Variants in CROCC2 observed in about 807,000 individuals in gnomAD.
The protein encoded by CROCC2 is ciliary rootlet coiled-coil protein 2.
CROCC2 carries 163 observed loss-of-function variants against 177.6 expected under a neutral mutation model. That is an observed-to-expected ratio of 0.92 (90% CI 0.81 to 1.05). CROCC2 has a LOEUF of 1.05. CROCC2 is among the 50% of genes least tolerant of loss of function. The pLI, the probability that CROCC2 is intolerant of heterozygous loss-of-function variation, is 0.00. For missense variants in CROCC2, 1,929 were observed against 1,797.8 expected (o/e 1.07, Z -1.32); for synonymous variants, 904 against 787.3 (o/e 1.15, Z -2.48).
intron 3 of CROCC2, among the ~76,000 whole-genome samples, chr2:240,921,328 G>A (rs1455204714): frequency 6.6e-6 from 1 of 152,156 alleles, no homozygotes; most frequent in Non-Finnish European, 1.5e-5. Flanking sequence ...TGGCACCCCT[G>A]GGAGCCCCTG....
intron 20 of CROCC2, among the ~76,000 whole-genome samples, chr2:240,963,103 C>T (rs2059654274): frequency 6.6e-6 from 1 of 152,242 alleles, no homozygotes; most frequent in Non-Finnish European, 1.5e-5. Context: ...GCCCAGCCTG[C>T]CTGCTGAGGC....
At chr2:240,974,128 C>A (rs2059742557) in intron 27 of CROCC2, among the ~76,000 whole-genome samples, 1 of 152,186 alleles carries the variant, frequency 6.6e-6, no homozygotes, top group Non-Finnish European at 1.5e-5. Context: ...AGCAGTTACA[C>A]CTGCTTTATA....
intron 18 of CROCC2, among the ~76,000 whole-genome samples, chr2:240,952,001 T>G (rs2059559119): frequency 1.3e-5 from 2 of 152,180 alleles, no homozygotes; most frequent in Non-Finnish European, 2.9e-5. Flanking sequence ...AATGGACACA[T>G]GAACACGTCC....
intron 14 of CROCC2, 150 bp downstream of exon 14, chr2:240,935,738 C>A: frequency 1.8e-6 from 1 of 542,078 alleles, no homozygotes; most frequent in Non-Finnish European, 2.9e-6. Context: ...TGCTGGCCTC[C>A]CCGTGGGGGT....
chr2:240,974,196 G>A (rs1451892843), intron 27 of CROCC2, among the ~76,000 whole-genome samples: 1 of 152,100 alleles, frequency 6.6e-6, no homozygotes, highest in Non-Finnish European at 1.5e-5. Context: ...CTTCGTGTTG[G>A]AGATTTGTTT....
At position 240,946,156 on chromosome 2, in the gene CROCC2, A is replaced by G. The variant is rs1349342936; in HGVS notation, c.2266A>G (p.Lys756Glu). ...CACTCTGCAGCAAGCCCTGCAAGGA[A>G]AGGATGCTCTGTCTGAGGAGCGGGC... ...MGTLQQALQG[K>E]DALSEERAQL... The change falls in exon 15 of 32, where the codon AAG (lysine) becomes GAG (glutamate). Residue 756 changes from lysine to glutamate, a missense_variant. Coordinates refer to ENST00000690015, the MANE Select transcript of CROCC2 (RefSeq NM_001351305.2). 2 of 1,548,614 alleles carry G rather than the reference A, an allele frequency of 1.3e-6. No homozygotes were observed. Among genetic ancestry groups the G allele is most frequent in the South Asian group, 1.2e-5 (1 of 83,990 alleles).
chr2:240,959,733 G>C (rs546714038), intron 20 of CROCC2: 28 of 313,440 alleles, frequency 8.9e-5, no homozygotes, highest in African/African-American at 6.0e-4. Flanking sequence ...GGGAAAGAAG[G>C]CATCATTTCT....
chr2:240,911,548 T>A (rs114228361), intron 1 of CROCC2, among the ~76,000 whole-genome samples: 3,769 of 152,148 alleles, frequency 0.025, 142 homozygotes, highest in African/African-American at 0.086. Context: ...TGTGCGCGCC[T>A]CAACCTCCCA....
At chr2:240,931,180 G>T (rs1282115316) in intron 7 of CROCC2, 52 bp downstream of exon 7, 2 of 648,346 alleles carry the variant, frequency 3.1e-6, no homozygotes, top group Non-Finnish European at 5.7e-6. Flanking sequence ...GGGGGTCGGG[G>T]CCCATCCAGC....
intron 19 of CROCC2, chr2:240,956,282 C>T (rs978757948): frequency 1.2e-5 from 5 of 421,118 alleles, no homozygotes; most frequent in Middle Eastern, 6.3e-4. Context: ...CCAACAGCAG[C>T]GAGTGGCTGA....
chr2:240,963,632 A>AGGAGAGCC lies in CROCC2; in HGVS notation c.3167_3174dup (p.Glu1059ArgfsTer17). 1 of 1,549,464 alleles carries AGGAGAGCC rather than the reference A, an allele frequency of 6.5e-7. No individual in the cohort carries two copies. Among genetic ancestry groups the AGGAGAGCC allele is most frequent in the Non-Finnish European group, 8.7e-7 (1 of 1,146,690 alleles). ...CTGCGCCAGGAGCTGCAGGGCGTCG[A>AGGAGAGCC]GGAGAGCCGGGAGGGGCTGCACAGG... On this transcript the variant is annotated frameshift_variant, in exon 21 of 32. Transcript: ENST00000690015. LOFTEE classifies it high-confidence loss of function.
At chr2:240,920,429 C>T (rs867394099) in intron 3 of CROCC2, among the ~76,000 whole-genome samples, 6 of 152,168 alleles carry the variant, frequency 3.9e-5, no homozygotes, top group African/African-American at 1.4e-4. Flanking sequence ...GACTTGTCCC[C>T]GCACCTGCCC....
At chr2:240,950,188 CGTGGG>C in intron 17 of CROCC2, 141 bp from the exon 18 acceptor site, 2 of 715,138 alleles carry the variant, frequency 2.8e-6, no homozygotes, top group Non-Finnish European at 4.6e-6. Context: ...GAGGGGAAGA[CGTGGG>C]GGGTGTGCAG....
chr2:240,932,996 C>A (rs1368670608), intron 9 of CROCC2, 88 bp downstream of exon 9: 2 of 1,470,306 alleles, frequency 1.4e-6, no homozygotes, highest in Non-Finnish European at 1.8e-6. Context: ...TGGGGCCTGC[C>A]CCTGAGCCCC....
rs1272528778 is a variant in CROCC2 at position 240,964,667 on chromosome 2, C to T, written c.3465+42C>T. ...GGGTCAACATCCAACCAGGCACCCT[C>T]CCGCCTGGTGGGTCCCGGCTCCTCC... On this transcript the variant is annotated intron_variant, in intron 22 of 31. Coordinates refer to ENST00000690015, the MANE Select transcript of CROCC2 (RefSeq NM_001351305.2). The T allele has an allele frequency of 2.6e-6, 4 of 1,534,972 alleles. No homozygotes were observed. The African/African-American group carries it at 5.5e-5, about 21-fold the overall frequency.
chr2:240,906,447 C>T lies in CROCC2; in HGVS notation c.-67C>T, dbSNP rs753985236. The T allele has an allele frequency of 2.8e-4, 110 of 398,824 alleles. No individual in the cohort carries two copies. The highest frequency in any genetic ancestry group is 4.4e-4 in the Non-Finnish European group (100 of 226,022). 24.7% of individuals were successfully genotyped at this position (398,824 alleles called of 1,614,324 possible). On this transcript the variant is annotated 5_prime_UTR_variant, in exon 1 of 32. Transcript: ENST00000690015. ...GCCCGTGGACCAAGGAAGACCCTGG[C>T]CAGTTGGAGGAGAACTGCCAGGTAG...
chr2:240,974,214 T>G (rs971109856), intron 27 of CROCC2, among the ~76,000 whole-genome samples: 1 of 152,356 alleles, frequency 6.6e-6, no homozygotes, highest in African/African-American at 2.4e-5. Flanking sequence ...TTTCTTTCCC[T>G]TAATCTGATT....
At position 240,987,205 on chromosome 2, in the gene CROCC2, G is replaced by A. The variant is rs532566853; in HGVS notation, c.4552-1534G>A. ...AGCCCTGGTTGCGACAGCACTGCCC[G>A]GGGACGCAGAGCCAGCTGTGGGCAC... On this transcript the variant is annotated intron_variant, in intron 28 of 31. Transcript: ENST00000690015. Among the ~76,000 whole-genome samples, 32 of 152,236 alleles carry A rather than the reference G, an allele frequency of 2.1e-4. No individual in the cohort carries two copies. The East Asian group carries it at 3.9e-3, about 18-fold the overall frequency.
At chr2:240,989,596 GGATTCTGTGCGGCCCTCAGTGA>G in intron 29 of CROCC2, 36 bp from the exon 30 acceptor site, 1 of 1,476,346 alleles carries the variant, frequency 6.8e-7, no homozygotes, top group Non-Finnish European at 9.1e-7. Flanking sequence ...TCCTGCCCTG[GGATTCTGTGCGGCCCTCAGTGA>G]GAGACAGCAG....
Sources: gnomAD v4.1 joint callset for allele counts (sites outside exome capture counted in the v4.1 genomes callset) on GRCh38, gnomAD v4.1.1 for gene constraint, MANE v1.5 for transcripts, NCBI Gene and HGNC (gene_info 2026-07-23, HGNC 2026-07-21) for gene names.